Variants in ZNF385D observed in about 807,000 individuals in gnomAD.
ZNF385D encodes the protein zinc finger protein 659.
In ZNF385D, 15 loss-of-function variants were observed where a neutral mutation model predicts 35.8. The ratio of observed to expected loss-of-function variants is 0.42; its 90% CI spans 0.28 to 0.64. ZNF385D has a LOEUF of 0.64. Ranked by LOEUF, ZNF385D falls within the 30% of genes least tolerant of loss-of-function variation. The probability of loss-of-function intolerance (pLI) is 0.23; values close to 1 mark genes in which losing one functional copy is unlikely to be tolerated. For missense variants in ZNF385D, 474 were observed against 494.6 expected (o/e 0.96, Z 0.39); for synonymous variants, 212 against 186.8 (o/e 1.13, Z -1.10).
chr3:21,644,700 G>A (rs1465265346), intron 2 of ZNF385D, among the ~76,000 whole-genome samples: 6 of 151,972 alleles, frequency 3.9e-5, no homozygotes, highest in Non-Finnish European at 7.4e-5. Context: ...TACAACGGAG[G>A]CTCAAAATAA....
At chr3:21,763,014 A>T (rs1018725783) in intron 3 of ZNF385D, among the ~76,000 whole-genome samples, 1 of 152,164 alleles carries the variant, frequency 6.6e-6, no homozygotes, top group Non-Finnish European at 1.5e-5. Flanking sequence ...GTCATTGAGT[A>T]GGTACTCAAC....
chr3:22,081,398 C>A (rs1700743353), intron 3 of ZNF385D, among the ~76,000 whole-genome samples: 1 of 152,132 alleles, frequency 6.6e-6, no homozygotes, highest in Admixed American at 6.5e-5. Flanking sequence ...TCCAAATTAT[C>A]TAATTTGTAA....
rs200602259 is a variant in ZNF385D, at chr3:22,232,003, G to GC, written c.107-62969dup. ...CCACCATGATTGTAAGTTTCCTGAG[G>GC]CCCCCCAAAAGGAGAAGCCACTATG... On this transcript the variant is annotated intron_variant, in intron 2 of 5. Transcript: ENST00000494108. Among the ~76,000 whole-genome samples, 75 of 152,076 alleles carry GC rather than the reference G, an allele frequency of 4.9e-4. 4 individuals carry two copies. In the East Asian group the frequency reaches 0.011, roughly 22 times the overall value.
chr3:22,158,951 A>C (rs1705770823), intron 3 of ZNF385D, among the ~76,000 whole-genome samples: 1 of 152,044 alleles, frequency 6.6e-6, no homozygotes, highest in South Asian at 2.1e-4. Flanking sequence ...AGGAAAACAA[A>C]AGTTAAAAAG....
chr3:21,702,463 G>A (rs1242727769), intron 1 of ZNF385D, among the ~76,000 whole-genome samples: 1 of 152,204 alleles, frequency 6.6e-6, no homozygotes, highest in Non-Finnish European at 1.5e-5. Flanking sequence ...TGTGATGGGA[G>A]GGGCTGCTGT....
intron 2 of ZNF385D, among the ~76,000 whole-genome samples, chr3:22,292,459 G>T (rs1434049346): frequency 6.6e-6 from 1 of 151,944 alleles, no homozygotes; most frequent in Non-Finnish European, 1.5e-5. Flanking sequence ...CTGTGTTTTG[G>T]TAAGTTCTTT....
In ZNF385D at chr3:21,425,481, G is replaced by A. The variant is rs1221258795; in HGVS notation, c.852+11C>T. 5.1e-6 allele frequency: 8 copies of A among 1,574,366 alleles called. No homozygotes were observed. Among genetic ancestry groups the A allele is most frequent in the South Asian group, 2.3e-5 (2 of 85,464 alleles). On this transcript the variant is annotated intron_variant, in intron 6 of 7. Transcript: ENST00000281523. Reference sequence around the variant, plus strand: ...TTGTTGGTTTTCATTCCTAGAATACGTGCTGTTTACCTGTTTAAGTTGCGT... The same window carrying A: ...TTGTTGGTTTTCATTCCTAGAATACATGCTGTTTACCTGTTTAAGTTGCGT...
chr3:21,952,578 AC>A (rs2125301040), intron 3 of ZNF385D, among the ~76,000 whole-genome samples: 1 of 152,080 alleles, frequency 6.6e-6, no homozygotes, highest in African/African-American at 2.4e-5. Flanking sequence ...CAGTTTTCTC[AC>A]CTTTAAAATA....
chr3:21,964,258 A>G (rs545284194), intron 3 of ZNF385D, among the ~76,000 whole-genome samples: 35 of 151,828 alleles, frequency 2.3e-4, no homozygotes, highest in Admixed American at 5.3e-4. Context: ...TTCATTCGCT[A>G]AAAACTGAAA....
At chr3:22,346,036 T>G (rs1401364044) in intron 2 of ZNF385D, among the ~76,000 whole-genome samples, 1 of 152,088 alleles carries the variant, frequency 6.6e-6, no homozygotes, top group Non-Finnish European at 1.5e-5. Context: ...TGCATACTCA[T>G]CTCCTCATGG....
At chr3:22,064,588 A>G (rs977194834) in intron 3 of ZNF385D, among the ~76,000 whole-genome samples, 3 of 152,198 alleles carry the variant, frequency 2.0e-5, no homozygotes, top group African/African-American at 7.2e-5. Flanking sequence ...CATATCCACA[A>G]TGGATTGCTA....
intron 3 of ZNF385D, among the ~76,000 whole-genome samples, chr3:21,533,789 CA>C (rs1329935226): frequency 2.6e-5 from 4 of 152,036 alleles, no homozygotes; most frequent in African/African-American, 9.7e-5. Flanking sequence ...CATCCATGTT[CA>C]AATCCCTACT....
intron 2 of ZNF385D, among the ~76,000 whole-genome samples, chr3:22,277,012 T>C (rs1023461263): frequency 6.6e-6 from 1 of 152,136 alleles, no homozygotes; most frequent in East Asian, 1.9e-4. Context: ...GCAGTAGTTA[T>C]ATAATGTCAT....
chr3:22,129,107 C>T (rs777537347), intron 3 of ZNF385D, among the ~76,000 whole-genome samples: 2 of 152,132 alleles, frequency 1.3e-5, no homozygotes, highest in Non-Finnish European at 2.9e-5. Flanking sequence ...CCTTGGTGGT[C>T]TTGGGTAAGA....
intron 2 of ZNF385D, among the ~76,000 whole-genome samples, chr3:22,263,298 T>C (rs1180461876): frequency 6.6e-6 from 1 of 152,048 alleles, no homozygotes; most frequent in African/African-American, 2.4e-5. Flanking sequence ...TTCTCAATCA[T>C]AAGCTTGTTC....
At chr3:22,137,928 C>G (rs1467842998) in intron 3 of ZNF385D, among the ~76,000 whole-genome samples, 1 of 152,130 alleles carries the variant, frequency 6.6e-6, no homozygotes, top group Admixed American at 6.5e-5. Flanking sequence ...ACCCCATCGT[C>G]TCAGCCCAAA....
intron 3 of ZNF385D, among the ~76,000 whole-genome samples, chr3:22,031,057 A>G (rs1697966895): frequency 6.6e-6 from 1 of 152,194 alleles, no homozygotes; most frequent in African/African-American, 2.4e-5. Context: ...TCCTGATACA[A>G]GGGGTGGGCT....
chr3:21,864,496 A>G (rs1459324823), intron 3 of ZNF385D, among the ~76,000 whole-genome samples: 2 of 152,110 alleles, frequency 1.3e-5, no homozygotes, highest in African/African-American at 4.8e-5. Flanking sequence ...TCTCTTTTAA[A>G]TTATGGACAG....
Position 22,176,199 on chromosome 3 carries a change from G to A in ZNF385D, c.107-7164C>T, listed in dbSNP as rs181055929. 2.8e-3 allele frequency among the ~76,000 whole-genome samples: 398 copies of A among 143,002 alleles called. 2 individuals are homozygous for A. The highest frequency in any genetic ancestry group is 2.0e-3 in the Admixed American group (30 of 14,804). 93.8% of individuals were successfully genotyped at this position (143,002 alleles called of 152,430 possible). On this transcript the variant is annotated intron_variant, in intron 2 of 5. Transcript: ENST00000494108. ...TCTAACACAACATTCAGCTTCAGTG[G>A]TGTGTGTGTGTGTACAGCACAGCTA...
Sources: allele counts gnomAD v4.1 joint callset (sites outside exome capture counted in the v4.1 genomes callset), GRCh38; gene constraint gnomAD v4.1.1; transcripts MANE v1.5; gene names NCBI Gene and HGNC (gene_info 2026-07-23, HGNC 2026-07-21).